Variants in TMPRSS7 observed in about 807,000 individuals in gnomAD.
TMPRSS7 encodes the protein transmembrane protease serine 7.
Under a neutral mutation model 95.6 loss-of-function variants are expected in TMPRSS7, and 81 were observed. The observed-to-expected ratio is 0.85, with a 90% CI of 0.71 to 1.02. The LOEUF is 1.02. Among genes scored for constraint, TMPRSS7 ranks in the 50% least tolerant of loss-of-function variants. TMPRSS7 has a pLI of 0.00. For missense variants in TMPRSS7, 945 were observed against 955.2 expected (o/e 0.99, Z 0.14); for synonymous variants, 364 against 337.8 (o/e 1.08, Z -0.85).
intron 1 of TMPRSS7, 80 bp from the exon 2 acceptor site, chr3:112,037,992 A>C (rs768099356): frequency 2.1e-5 from 14 of 658,098 alleles, no homozygotes; most frequent in African/African-American, 1.3e-4. Context: ...TTTTAGTACC[A>C]ACATCTCCTG....
At position 112,050,777 on chromosome 3, in the gene TMPRSS7, A is replaced by G. The variant is rs763798885; in HGVS notation, c.1197A>G (p.Lys399=). 4 of 1,583,922 alleles carry G rather than the reference A, an allele frequency of 2.5e-6. No homozygotes were observed. The East Asian group carries it at 6.8e-5, about 27-fold the overall frequency. Residue 399 remains lysine (K), a synonymous_variant, in exon 9 of 18, where the codon AAA becomes AAG. Coordinates refer to ENST00000452346, the Ensembl canonical transcript of TMPRSS7. Reference sequence around the variant, plus strand: ...CTCCAAAATGCAAGTGTACCTGGAAATTTCAGGTAGCCTAGTTCTACCAGT... The same window carrying G: ...CTCCAAAATGCAAGTGTACCTGGAAGTTTCAGGTAGCCTAGTTCTACCAGT...
chr3:112,057,246 G>A, intron 10 of TMPRSS7, 115 bp downstream of exon 10: 1 of 706,404 alleles, frequency 1.4e-6, no homozygotes, highest in South Asian at 1.9e-5. Context: ...GGAAACTGAG[G>A]GATATAGGAG....
chr3:112,049,713 G>C, intron 7 of TMPRSS7, 131 bp from the exon 8 acceptor site: 1 of 695,196 alleles, frequency 1.4e-6, no homozygotes, highest in South Asian at 3.6e-5. Flanking sequence ...ATCTGGCTGG[G>C]AGAGATTCCC....
exon 9 of TMPRSS7, chr3:112,050,755 C>A: frequency 6.3e-7 from 1 of 1,599,342 alleles, no homozygotes; most frequent in Non-Finnish European, 8.5e-7. Context: ...TACTATCCTC[C>A]AAAATGCAAG....
In TMPRSS7 at chr3:112,064,330, C is replaced by T. The variant is rs533899461; in HGVS notation, c.1555+698C>T. 2.1e-5 allele frequency among the ~76,000 whole-genome samples: 3 copies of T among 142,622 alleles called. No homozygotes were observed. The Admixed American group carries it at 2.2e-4, about 11-fold the overall frequency. The allele number at this position is 142,622 out of a possible 152,430, so 93.6% of individuals were successfully genotyped here. On this transcript the variant is annotated intron_variant, in intron 12 of 17. Transcript: ENST00000452346. The stretch of plus-strand genomic sequence containing the variant: ...TATGTTGTTTGTAAATAAAAGAGAA[C>T]GGGTTTTGTGTGTGTGTTTTCTTTT...
At chr3:112,038,092 A>C (rs763833118) in exon 2 of TMPRSS7, 1 of 702,708 alleles carries the variant, frequency 1.4e-6, no homozygotes, top group South Asian at 1.5e-5. Context: ...TCTCAGTCCA[A>C]GTGGTCAGTG....
intron 9 of TMPRSS7, among the ~76,000 whole-genome samples, chr3:112,051,684 T>TATCTATCTATC (rs2073360431): frequency 6.6e-6 from 1 of 151,864 alleles, no homozygotes; most frequent in Non-Finnish European, 1.5e-5. Flanking sequence ...TCTATCTATC[T>TATCTATCTATC]ATCTATCTAT....
chr3:112,070,990 G>T (rs1206989657), intron 13 of TMPRSS7, among the ~76,000 whole-genome samples: 1 of 152,116 alleles, frequency 6.6e-6, no homozygotes, highest in Non-Finnish European at 1.5e-5. Context: ...CTGTCATTAT[G>T]ATGTTAGCTG....
intron 1 of TMPRSS7, among the ~76,000 whole-genome samples, chr3:112,035,461 T>C (rs1056724339): frequency 6.6e-6 from 1 of 152,158 alleles, no homozygotes; most frequent in Admixed American, 6.5e-5. Flanking sequence ...GAAGGGGCCA[T>C]GAATAATTCA....
At chr3:112,049,761 A>G in intron 7 of TMPRSS7, 83 bp from the exon 8 acceptor site, 2 of 1,194,858 alleles carry the variant, frequency 1.7e-6, no homozygotes, top group Non-Finnish European at 2.3e-6. Context: ...TGGCCCAGGA[A>G]ATGTGTGGAA....
At chr3:112,071,549 T>C (rs1004421866) in intron 13 of TMPRSS7, among the ~76,000 whole-genome samples, 2 of 152,252 alleles carry the variant, frequency 1.3e-5, no homozygotes, top group Non-Finnish European at 2.9e-5. Context: ...GTTTTCCAAC[T>C]TGGTTCCATT....
intron 14 of TMPRSS7, among the ~76,000 whole-genome samples, 169 bp from the exon 15 acceptor site, chr3:112,075,152 G>T (rs1163746030): frequency 6.6e-6 from 1 of 152,146 alleles, no homozygotes; most frequent in African/African-American, 2.4e-5. Context: ...AGGAGGGAGT[G>T]GTTTGTTTGT....
intron 2 of TMPRSS7, among the ~76,000 whole-genome samples, chr3:112,041,515 C>T (rs556860267): frequency 4.6e-5 from 7 of 152,220 alleles, no homozygotes; most frequent in Non-Finnish European, 1.0e-4. Flanking sequence ...GTTTATTGAG[C>T]TTCAAAGCTA....
chr3:112,063,558 G>A, exon 12 of TMPRSS7: 2 of 1,613,992 alleles, frequency 1.2e-6, no homozygotes, highest in Non-Finnish European at 1.7e-6. Context: ...TGCTCCTCCG[G>A]TTTATGTGTC....
chr3:112,045,005 T>C (rs2073259488), intron 4 of TMPRSS7, among the ~76,000 whole-genome samples: 1 of 152,224 alleles, frequency 6.6e-6, no homozygotes, highest in South Asian at 2.1e-4. Flanking sequence ...CTACTAGCTA[T>C]GTGACTTGGA....
At chr3:112,043,301 C>T (rs1387514437) in intron 3 of TMPRSS7, among the ~76,000 whole-genome samples, 1 of 152,146 alleles carries the variant, frequency 6.6e-6, no homozygotes, top group Non-Finnish European at 1.5e-5. Context: ...ATAAGAGTTG[C>T]TCAGCTCCAT....
At position 112,067,841 on chromosome 3, in the gene TMPRSS7, C is replaced by G. The variant is rs551728601; in HGVS notation, c.1666+1339C>G. On this transcript the variant is annotated intron_variant, in intron 13 of 17. Coordinates refer to ENST00000452346, the Ensembl canonical transcript of TMPRSS7. ...CAGAAGCTCTTTAGTTTAATTGGAT[C>G]CCATTTGTCTATTTTGGCTTTTGTT... Among the ~76,000 whole-genome samples the G allele has an allele frequency of 3.9e-5, 6 of 152,262 alleles. No homozygotes were observed. In the East Asian group the frequency reaches 1.2e-3, roughly 29 times the overall value.
chr3:112,035,942 A>G (rs1191149010), intron 1 of TMPRSS7, among the ~76,000 whole-genome samples: 1 of 152,190 alleles, frequency 6.6e-6, no homozygotes, highest in East Asian at 1.9e-4. Flanking sequence ...TATAATTGAG[A>G]AACTGTGGCT....
At chr3:112,065,384 G>A (rs1354627823) in intron 12 of TMPRSS7, among the ~76,000 whole-genome samples, 1 of 151,992 alleles carries the variant, frequency 6.6e-6, no homozygotes, top group Non-Finnish European at 1.5e-5. Context: ...CACAAAATTT[G>A]TCTTAGCTTA....
Sources: allele counts gnomAD v4.1 joint callset (sites outside exome capture counted in the v4.1 genomes callset), GRCh38; gene constraint gnomAD v4.1.1; transcripts MANE v1.5; gene names NCBI Gene and HGNC (gene_info 2026-07-23, HGNC 2026-07-21).